The following RAVER1 variants were observed in gnomAD, a reference collection of about 807,000 sequenced individuals.
RAVER1 encodes ribonucleoprotein PTB-binding 1.
In RAVER1, 36 loss-of-function variants were observed where a neutral mutation model predicts 68.4. The ratio of observed to expected loss-of-function variants is 0.53; its 90% confidence interval spans 0.40 to 0.70. The LOEUF (loss-of-function observed/expected upper bound fraction) is 0.70. RAVER1 is among the 30% of genes least tolerant of loss of function. The pLI is 0.00. For synonymous variants in RAVER1, 469 were observed against 472.7 expected (o/e 0.99, Z 0.10); for missense variants, 933 against 1,019.8 (o/e 0.91, Z 1.16).
rs1343220649 is a variant in RAVER1 at position 10,316,724 on chromosome 19, A to G, written c.*730T>C. 1.4e-5 allele frequency: 3 copies of G among 220,938 alleles called. No individual in the cohort carries two copies. The highest frequency in any genetic ancestry group is 2.3e-5 in the Non-Finnish European group (3 of 130,478). The allele number at this position is 220,938 out of a possible 1,614,324, so 13.7% of individuals were successfully genotyped here. On this transcript the variant is annotated 3_prime_UTR_variant, in exon 13 of 13. Coordinates refer to ENST00000617231, the MANE Select transcript of RAVER1 (RefSeq NM_133452.3). ...TAGGGTGGCCCAATCCCTAGGCCAG[A>G]GCTGTTTGGTCCATAGTCAAGCTCC... is the stretch of plus-strand genomic sequence containing the variant.
chr19:10,331,516 T>G (rs1238559054), intron 1 of RAVER1, among the ~76,000 whole-genome samples: 1 of 147,542 alleles, frequency 6.8e-6, no homozygotes, highest in Non-Finnish European at 1.5e-5. Flanking sequence ...TGAAACCCCA[T>G]CTCTACTAAA....
In RAVER1 at chr19:10,322,693, G is replaced by A; in HGVS notation, c.1125C>T (p.Ala375=). 1 of 1,537,678 alleles carries A rather than the reference G, an allele frequency of 6.5e-7. No homozygotes were observed. The highest frequency in any genetic ancestry group is 8.7e-7 in the Non-Finnish European group (1 of 1,152,934). ...PPAMPLLNGP[A]LSTALLQLAL... ...CGAGCTGCAACAGCGCCGTGGACAG[G>A]GCTGGCCCATTGAGCAGCGGCATGG... The change falls in exon 6 of 13, where the codon GCC becomes GCT. Residue 375 remains alanine (A), a synonymous_variant. Coordinates refer to ENST00000617231, the MANE Select transcript of RAVER1 (RefSeq NM_133452.3). This position sits in a 1 kb window ranked among gnomAD's most constrained non-coding sequence, Gnocchi z 4.3.
chr19:10,333,164 G>T lies in RAVER1; in HGVS notation c.219+125C>A. 1 of 927,240 alleles carries T rather than the reference G, an allele frequency of 1.1e-6. No homozygotes were observed. The highest frequency in any genetic ancestry group is 1.6e-6 in the Non-Finnish European group (1 of 628,122). 57.4% of individuals were successfully genotyped at this position (927,240 alleles called of 1,614,324 possible). A position where few individuals can be genotyped will look rare whatever the true frequency, so the allele number is the denominator to read the frequency against. On this transcript the variant is annotated intron_variant, in intron 1 of 12. Coordinates refer to ENST00000617231, the MANE Select transcript of RAVER1 (RefSeq NM_133452.3). The surrounding 1 kb of genome is among the most constrained non-coding windows in gnomAD (Gnocchi z 4.2). ...TCTTGGTCTCTCCCGATCCCGCGTG[G>T]ATCCGGTGCTTGGGCGCCCCCGCCA...
chr19:10,317,420 T>G lies in RAVER1; in HGVS notation c.*34A>C. The G allele has an allele frequency of 6.2e-7, 1 of 1,609,764 alleles. No homozygotes were observed. The highest frequency in any genetic ancestry group is 8.5e-7 in the Non-Finnish European group (1 of 1,176,262). On this transcript the variant is annotated 3_prime_UTR_variant, in exon 13 of 13. Transcript: ENST00000617231. This position sits in a 1 kb window ranked among gnomAD's most constrained non-coding sequence, Gnocchi z 4.3. Reference sequence around the variant, plus strand: ...ATCAGAAAACCCAAAAGCGATTTGGTGCAGGCCCTTGAGTTATCTCTGGTG... The same window carrying G: ...ATCAGAAAACCCAAAAGCGATTTGGGGCAGGCCCTTGAGTTATCTCTGGTG...
chr19:10,316,844 C>T lies in RAVER1; in HGVS notation c.*610G>A, dbSNP rs992865424. The T allele has an allele frequency of 2.6e-5, 4 of 153,650 alleles. No homozygotes were observed. The highest frequency in any genetic ancestry group is 6.5e-5 in the Admixed American group (1 of 15,278). The allele number at this position is 153,650 out of a possible 1,614,324, so 9.5% of individuals were successfully genotyped here. ...GGGGCTGCGGCAGGGACCCCGGGCC[C>T]CACGGCTGGGGTATAGGCCAGATGG... On this transcript the variant is annotated 3_prime_UTR_variant, in exon 13 of 13. Transcript: ENST00000617231.
Position 10,321,040 on chromosome 19 carries a change from G to C in RAVER1, c.1473+8C>G. ...TGGTGTGGTGCCGCGCGCAGGGCAG[G>C]GCCTTACCCCAGGGGGCGTCGGCAG... On this transcript the variant is annotated splice_region_variant and intron_variant, in intron 8 of 12. Coordinates refer to ENST00000617231, the MANE Select transcript of RAVER1 (RefSeq NM_133452.3). 7.0e-7 allele frequency: 1 copy of C among 1,422,328 alleles called. No homozygotes were observed. Among genetic ancestry groups the C allele is most frequent in the Non-Finnish European group, 9.2e-7 (1 of 1,090,348 alleles). 88.1% of individuals were successfully genotyped at this position (1,422,328 alleles called of 1,614,324 possible).
rs534164103 is a variant in RAVER1 at position 10,322,536 on chromosome 19, G to A, written c.1173+109C>T. The A allele has an allele frequency of 6.0e-4, 465 of 772,812 alleles. 4 individuals carry two copies. Among genetic ancestry groups the A allele is most frequent in the East Asian group, 6.3e-4 (19 of 30,284 alleles). The allele number at this position is 772,812 out of a possible 1,614,324, so 47.9% of individuals were successfully genotyped here. On this transcript the variant is annotated intron_variant, in intron 6 of 12. Coordinates refer to ENST00000617231, the MANE Select transcript of RAVER1 (RefSeq NM_133452.3). The surrounding 1 kb of genome is among the most constrained non-coding windows in gnomAD (Gnocchi z 4.3). ...GGAGTCGCCCTCACCCTGGTTCTGC[G>A]CCCCCAGGGCACAGCCAGAGGTCCC...
In RAVER1 at chr19:10,317,300, T is replaced by A. The variant is rs2040396857; in HGVS notation, c.*154A>T. The A allele has an allele frequency of 1.2e-6, 1 of 807,504 alleles. No individual in the cohort carries two copies. The highest frequency in any genetic ancestry group is 2.4e-5 in the Admixed American group (1 of 41,064). 50.0% of individuals were successfully genotyped at this position (807,504 alleles called of 1,614,324 possible). A position where few individuals can be genotyped will look rare whatever the true frequency, so the allele number is the denominator to read the frequency against. On this transcript the variant is annotated 3_prime_UTR_variant, in exon 13 of 13. Transcript: ENST00000617231. This position sits in a 1 kb window ranked among gnomAD's most constrained non-coding sequence, Gnocchi z 4.3. ...CCAGACTCCCCCACACCCCTTGGGCTCCTGGGGCTCCGGCTGATTGGTCAG... is the reference window on the plus strand; with the variant it reads ...CCAGACTCCCCCACACCCCTTGGGCACCTGGGGCTCCGGCTGATTGGTCAG...
rs372922712 is a variant in RAVER1 at position 10,321,152 on chromosome 19, G to T, written c.1369C>A (p.Pro457Thr). The change falls in exon 8 of 13, where the codon CCC becomes ACC. Residue 457 changes from proline to threonine, a missense_variant. Pro to Thr is a conservative substitution (Grantham distance 38). Around this residue, in one of 3 missense-constraint regions of RAVER1, gnomAD observed 699 missense variants for 731.1 expected, o/e 0.96. Transcript: ENST00000617231. ...GGAGGAGTGAGCTGGGCCGCTGGGGGACCCAAGCCCAGGGCCTCCCGGTCA... is the reference window on the plus strand; with the variant it reads ...GGAGGAGTGAGCTGGGCCGCTGGGGTACCCAAGCCCAGGGCCTCCCGGTCA... ...GGDREALGLG[P>T]PAAQLTPPPA... The T allele has an allele frequency of 3.9e-4, 498 of 1,286,326 alleles. 4 individuals are homozygous for T. The East Asian group carries it at 0.011, about 29-fold the overall frequency. 79.7% of individuals were successfully genotyped at this position (1,286,326 alleles called of 1,614,324 possible). A position where few individuals can be genotyped will look rare whatever the true frequency, so the allele number is the denominator to read the frequency against.
chr19:10,323,667 G>T lies in RAVER1; in HGVS notation c.757-101C>A. The T allele has an allele frequency of 8.0e-7, 1 of 1,245,696 alleles. No individual in the cohort carries two copies. The highest frequency in any genetic ancestry group is 1.1e-6 in the Non-Finnish European group (1 of 911,578). The allele number at this position is 1,245,696 out of a possible 1,614,324, so 77.2% of individuals were successfully genotyped here. A position where few individuals can be genotyped will look rare whatever the true frequency, so the allele number is the denominator to read the frequency against. On this transcript the variant is annotated intron_variant, in intron 3 of 12. Coordinates refer to ENST00000617231, the MANE Select transcript of RAVER1 (RefSeq NM_133452.3). The surrounding 1 kb of genome is among the most constrained non-coding windows in gnomAD (Gnocchi z 6.2). ...CCAGACTCAGCTGCCCCATAAGGGT[G>T]AACTCCACGCCAGGCCTCCACTGCC...
In RAVER1 at chr19:10,320,737, G is replaced by A. The variant is rs771310400; in HGVS notation, c.1688C>T (p.Ser563Phe). Reference protein sequence around the residue: ...SSSSKAFQLKSRLLSPLSSAR... With the variant: ...SSSSKAFQLKFRLLSPLSSAR... The stretch of plus-strand genomic sequence containing the variant: ...GCTGCTGAGGGGGCTGAGCAGGCGG[G>A]ACTTGAGCTGGAAGGCTTTGCTGCT... Residue 563 changes from serine (S) to phenylalanine (F), a missense_variant, in exon 9 of 13, where the codon TCC (serine) becomes TTC (phenylalanine). Around this residue, in one of 3 missense-constraint regions of RAVER1, gnomAD observed 699 missense variants for 731.1 expected, o/e 0.96. Transcript: ENST00000617231. 8.5e-6 allele frequency: 13 copies of A among 1,528,682 alleles called. No homozygotes were observed. In the African/African-American group the frequency reaches 1.6e-4, roughly 19 times the overall value. 94.7% of individuals were successfully genotyped at this position (1,528,682 alleles called of 1,614,324 possible). A position where few individuals can be genotyped will look rare whatever the true frequency, so the allele number is the denominator to read the frequency against.
Position 10,323,527 on chromosome 19 carries a change from C to T in RAVER1, c.796G>A (p.Val266Met). 3.7e-6 allele frequency: 6 copies of T among 1,604,348 alleles called. No homozygotes were observed. The highest frequency in any genetic ancestry group is 5.1e-6 in the Non-Finnish European group (6 of 1,177,668). Reference sequence around the variant, plus strand: ...ATCTCAGCCGTCTCATACTCCAGCACCGCGAAGCCCTTCAGCTGCCCATCC... The same window carrying T: ...ATCTCAGCCGTCTCATACTCCAGCATCGCGAAGCCCTTCAGCTGCCCATCC... Reference protein sequence around the residue: ...GQDGQLKGFAVLEYETAEMAE... With the variant: ...GQDGQLKGFAMLEYETAEMAE... Residue 266 changes from valine to methionine, a missense_variant, in exon 4 of 13, where the codon GTG becomes ATG. By Grantham distance (21) the Val-to-Met change is conservative. This residue lies in a region of RAVER1 where 699 missense variants were observed against 731.1 expected (regional missense o/e 0.96). Transcript: ENST00000617231. The surrounding 1 kb of genome is among the most constrained non-coding windows in gnomAD (Gnocchi z 6.2).
chr19:10,327,029 C>G (rs2145079084), intron 3 of RAVER1, among the ~76,000 whole-genome samples: 1 of 152,160 alleles, frequency 6.6e-6, no homozygotes, highest in South Asian at 2.1e-4. Context: ...CTCGGCCTCT[C>G]AAAGTGCTGG....
At position 10,328,723 on chromosome 19, in the gene RAVER1, C is replaced by T; in HGVS notation, c.675G>A (p.Val225=). 2 of 1,611,484 alleles carry T rather than the reference C, an allele frequency of 1.2e-6. No individual in the cohort carries two copies. Among genetic ancestry groups the T allele is most frequent in the Non-Finnish European group, 1.7e-6 (2 of 1,179,292 alleles). The change falls in exon 3 of 13, where the codon GTG becomes GTA. Residue 225 remains valine, a synonymous_variant. Transcript: ENST00000617231. The surrounding 1 kb of genome is among the most constrained non-coding windows in gnomAD (Gnocchi z 4.4). ...PALLHSRCLC[V]DRLPPGFNDV... ...CGTTGAAGCCAGGTGGCAGGCGGTCCACACAGAGGCAGCGGGAGTGGAGAA... is the reference window on the plus strand; with the variant it reads ...CGTTGAAGCCAGGTGGCAGGCGGTCTACACAGAGGCAGCGGGAGTGGAGAA...
At chr19:10,324,290 C>A (rs972538157) in intron 3 of RAVER1, among the ~76,000 whole-genome samples, 1 of 152,182 alleles carries the variant, frequency 6.6e-6, no homozygotes, top group Non-Finnish European at 1.5e-5. Context: ...AATGCCCGGG[C>A]AGCAAAGGTG....
rs2040389917 is a variant in RAVER1, at chr19:10,316,612, G to A, written c.*842C>T. ...TGGCAGAGAAAGCCCATCTCTGCACGGAGGCCCGGGTAGGAGGGGGTGGTG... is the reference window on the plus strand; with the variant it reads ...TGGCAGAGAAAGCCCATCTCTGCACAGAGGCCCGGGTAGGAGGGGGTGGTG... On this transcript the variant is annotated 3_prime_UTR_variant, in exon 13 of 13. Coordinates refer to ENST00000617231, the MANE Select transcript of RAVER1 (RefSeq NM_133452.3). 4 of 983,000 alleles carry A rather than the reference G, an allele frequency of 4.1e-6. No individual in the cohort carries two copies. Among genetic ancestry groups the A allele is most frequent in the East Asian group, 1.1e-4 (1 of 8,910 alleles). 60.9% of individuals were successfully genotyped at this position (983,000 alleles called of 1,614,324 possible). A position where few individuals can be genotyped will look rare whatever the true frequency, so the allele number is the denominator to read the frequency against.
At position 10,328,076 on chromosome 19, in the gene RAVER1, A is replaced by T; in HGVS notation, c.756+566T>A. Among the ~76,000 whole-genome samples the T allele has an allele frequency of 6.6e-6, 1 of 152,200 alleles. No individual in the cohort carries two copies. The highest frequency in any genetic ancestry group is 1.9e-4 in the East Asian group (1 of 5,202). On this transcript the variant is annotated intron_variant, in intron 3 of 12. Transcript: ENST00000617231. The surrounding 1 kb of genome is among the most constrained non-coding windows in gnomAD (Gnocchi z 4.4). ...TGGCAAAGCCTCAGTCTCTGACCTC[A>T]AGGCTCAAATAGACTGTGGGCTCCT...
Position 10,323,825 on chromosome 19 carries a change from G to A in RAVER1, c.757-259C>T, listed in dbSNP as rs2040456269. Among the ~76,000 whole-genome samples the A allele has an allele frequency of 6.6e-6, 1 of 152,188 alleles. No individual in the cohort carries two copies. The highest frequency in any genetic ancestry group is 2.4e-5 in the African/African-American group (1 of 41,450). On this transcript the variant is annotated intron_variant, in intron 3 of 12. Coordinates refer to ENST00000617231, the MANE Select transcript of RAVER1 (RefSeq NM_133452.3). The surrounding 1 kb of genome is among the most constrained non-coding windows in gnomAD (Gnocchi z 6.2). ...ACCCAAGGCCACACAGCTGGAGGGA[G>A]GGCGGAGCTGGGAGCCACCTCACCA...
At position 10,319,257 on chromosome 19, in the gene RAVER1, G is replaced by A. The variant is rs1194672679; in HGVS notation, c.1771-17C>T. On this transcript the variant is annotated splice_polypyrimidine_tract_variant and intron_variant, in intron 9 of 12. Transcript: ENST00000617231. ...TCCCATGTCCTGAATGAAAGCGGGA[G>A]AAGCACATTGGGTTGGAGTCTGTCC... is the stretch of plus-strand genomic sequence containing the variant. 3 of 1,612,532 alleles carry A rather than the reference G, an allele frequency of 1.9e-6. No homozygotes were observed. The South Asian group carries it at 3.3e-5, about 18-fold the overall frequency.
Sources: gnomAD v4.1 joint callset for allele counts (sites outside exome capture counted in the v4.1 genomes callset) on GRCh38, gnomAD v4.1.1 for gene constraint, gnomAD v4.1.1 regional missense constraint, Gnocchi (gnomAD v3.1) non-coding constraint, MANE v1.5 for transcripts, NCBI Gene and HGNC (gene_info 2026-07-23, HGNC 2026-07-21) for gene names.